Variants in KIAA1217 observed in about 807,000 individuals in gnomAD.
KIAA1217 encodes the protein KIAA1217, also known as sickle tail protein homolog.
In KIAA1217, 88 loss-of-function variants were observed where a neutral mutation model predicts 163.9. That is an observed-to-expected ratio of 0.54 (90% CI 0.45 to 0.64). KIAA1217 has a LOEUF of 0.64. Ranked by LOEUF, KIAA1217 falls within the 30% of genes least tolerant of loss-of-function variation. The probability of loss-of-function intolerance (pLI) is 0.00; values close to 1 mark genes in which losing one functional copy is unlikely to be tolerated. For missense variants in KIAA1217, 2,372 were observed against 2,475.0 expected (o/e 0.96, Z 0.88); for synonymous variants, 903 against 923.1 (o/e 0.98, Z 0.39).
intron 1 of KIAA1217, among the ~76,000 whole-genome samples, chr10:23,779,585 C>G (rs866227676): frequency 6.6e-6 from 1 of 152,206 alleles, no homozygotes; most frequent in Non-Finnish European, 1.5e-5. Flanking sequence ...ATTGTCAGCA[C>G]TGTTATTTTA....
At position 24,071,723 on chromosome 10, in the gene KIAA1217, G is replaced by A. The variant is rs894721077; in HGVS notation, c.-171+64349G>A. On this transcript the variant is annotated intron_variant, in intron 2 of 18. Transcript: ENST00000376462. ...CTTAACTAAATGCCATCAGTTACCA[G>A]ATGAGAGAAACATGAACTGTGACTG... 6.6e-5 allele frequency among the ~76,000 whole-genome samples: 10 copies of A among 152,150 alleles called. 1 individual carries two copies. The highest frequency in any genetic ancestry group is 6.6e-4 in the Admixed American group (10 of 15,264).
intron 1 of KIAA1217, among the ~76,000 whole-genome samples, chr10:23,983,846 C>T (rs1332012137): frequency 6.6e-6 from 1 of 152,208 alleles, no homozygotes; most frequent in Admixed American, 6.5e-5. Flanking sequence ...TCATGATTGA[C>T]ATTAGGTCCA....
At chr10:24,316,653 G>A (rs1311555555) in intron 2 of KIAA1217, among the ~76,000 whole-genome samples, 1 of 152,126 alleles carries the variant, frequency 6.6e-6, no homozygotes, top group African/African-American at 2.4e-5. Context: ...TGGTGACTCT[G>A]TGTTCTATCT....
chr10:24,031,651 G>T (rs1201867233), intron 2 of KIAA1217, among the ~76,000 whole-genome samples: 3 of 151,994 alleles, frequency 2.0e-5, no homozygotes, highest in Non-Finnish European at 2.9e-5. Context: ...TTAAAGCTGT[G>T]CAATTTCACA....
At chr10:24,427,073 C>T (rs1260936300) in intron 3 of KIAA1217, among the ~76,000 whole-genome samples, 2 of 152,098 alleles carry the variant, frequency 1.3e-5, no homozygotes, top group African/African-American at 2.4e-5. Context: ...GGTTAAAATC[C>T]ACATTCCTTT....
At chr10:24,452,811 C>T (rs1220314175) in intron 5 of KIAA1217, among the ~76,000 whole-genome samples, 1 of 151,640 alleles carries the variant, frequency 6.6e-6, no homozygotes, top group South Asian at 2.1e-4. Context: ...TGTTGTAACA[C>T]AAAGGATAAA....
At chr10:23,765,702 G>T (rs982459286) in intron 1 of KIAA1217, among the ~76,000 whole-genome samples, 1 of 152,094 alleles carries the variant, frequency 6.6e-6, no homozygotes, top group Admixed American at 6.5e-5. Context: ...CAGATCCCCC[G>T]ATCAGCGCTC....
intron 2 of KIAA1217, among the ~76,000 whole-genome samples, chr10:24,106,829 A>G (rs2131732303): frequency 6.6e-6 from 1 of 152,144 alleles, no homozygotes; most frequent in Middle Eastern, 3.4e-3. Context: ...TTATTTCATC[A>G]CCAATTCTTT....
intron 1 of KIAA1217, among the ~76,000 whole-genome samples, chr10:23,898,472 C>A (rs1259729735): frequency 6.6e-6 from 1 of 151,810 alleles, no homozygotes; most frequent in Non-Finnish European, 1.5e-5. Flanking sequence ...ATAACTTCAC[C>A]ATAAATAATT....
chr10:23,882,415 G>A (rs1346990107), intron 1 of KIAA1217, among the ~76,000 whole-genome samples: 2 of 151,906 alleles, frequency 1.3e-5, no homozygotes, highest in African/African-American at 4.8e-5. Context: ...ACAAGAGAGA[G>A]GAAAGAATTG....
At chr10:24,340,618 T>A (rs1281972204) in intron 2 of KIAA1217, among the ~76,000 whole-genome samples, 1 of 151,952 alleles carries the variant, frequency 6.6e-6, no homozygotes, top group African/African-American at 2.4e-5. Flanking sequence ...CCACATCTCT[T>A]CCCTCCCTCC....
At chr10:24,026,340 TTG>T (rs1342464759) in intron 2 of KIAA1217, among the ~76,000 whole-genome samples, 1 of 151,918 alleles carries the variant, frequency 6.6e-6, no homozygotes, top group Non-Finnish European at 1.5e-5. Context: ...TAAATAAAAT[TTG>T]TGTTATACTA....
chr10:23,821,364 C>G (rs1173464136), intron 1 of KIAA1217, among the ~76,000 whole-genome samples: 2 of 152,002 alleles, frequency 1.3e-5, no homozygotes, highest in African/African-American at 4.8e-5. Flanking sequence ...AGAATAAAGC[C>G]CCATGTTCAG....
intron 2 of KIAA1217, among the ~76,000 whole-genome samples, chr10:24,262,132 G>C (rs947129809): frequency 2.0e-5 from 3 of 152,134 alleles, no homozygotes; most frequent in African/African-American, 7.2e-5. Context: ...AAAGCTAAAG[G>C]GGATTTATTT....
At chr10:24,150,870 G>C (rs1400644562) in intron 2 of KIAA1217, among the ~76,000 whole-genome samples, 1 of 152,090 alleles carries the variant, frequency 6.6e-6, no homozygotes, top group Admixed American at 6.6e-5. Context: ...AACTGAAGAG[G>C]GTTAGTTATC....
chr10:23,896,310 T>G (rs568254395), intron 1 of KIAA1217, among the ~76,000 whole-genome samples: 4 of 152,074 alleles, frequency 2.6e-5, no homozygotes, highest in Non-Finnish European at 5.9e-5. Flanking sequence ...TTTCAGCAAG[T>G]AAAAAGCACT....
chr10:24,178,807 C>T (rs2066031942), intron 2 of KIAA1217, among the ~76,000 whole-genome samples: 2 of 152,030 alleles, frequency 1.3e-5, no homozygotes, highest in Admixed American at 1.3e-4. Flanking sequence ...TTTTTTGCAA[C>T]ATACAGGAAG....
At chr10:24,043,477 A>T (rs886484447) in intron 2 of KIAA1217, among the ~76,000 whole-genome samples, 1 of 152,098 alleles carries the variant, frequency 6.6e-6, no homozygotes, top group Non-Finnish European at 1.5e-5. Context: ...TGTCTGGAAA[A>T]TTTTAAGTTT....
intron 1 of KIAA1217, among the ~76,000 whole-genome samples, chr10:23,915,253 G>A (rs925986652): frequency 6.6e-6 from 1 of 152,146 alleles, no homozygotes; most frequent in Non-Finnish European, 1.5e-5. Context: ...CTTGGATTTA[G>A]AAATAATTGG....
Sources: gnomAD v4.1 joint callset for allele counts (sites outside exome capture counted in the v4.1 genomes callset) on GRCh38, gnomAD v4.1.1 for gene constraint, MANE v1.5 for transcripts, NCBI Gene and HGNC (gene_info 2026-07-23, HGNC 2026-07-21) for gene names.